Variants in ROBO2 observed in about 807,000 individuals in gnomAD.
ROBO2 encodes the protein roundabout homolog 2.
A neutral mutation model predicts 160.8 loss-of-function variants in ROBO2; 53 were observed. The observed-to-expected ratio is 0.33, with a 90% CI of 0.26 to 0.41. The LOEUF is 0.41. Ranked by LOEUF, ROBO2 falls within the 10% of genes least tolerant of loss-of-function variation. The probability of loss-of-function intolerance (pLI) is 1.00; values close to 1 mark genes in which losing one functional copy is unlikely to be tolerated. For synonymous variants in ROBO2, 664 were observed against 611.7 expected (o/e 1.09, Z -1.26); for missense variants, 1,577 against 1,722.4 (o/e 0.92, Z 1.49).
chr3:76,657,986 G>A (rs1317939140), intron 2 of ROBO2, among the ~76,000 whole-genome samples: 1 of 149,086 alleles, frequency 6.7e-6, no homozygotes, highest in Non-Finnish European at 1.5e-5. Context: ...AGGATCACTT[G>A]AGCCCAGGGC....
chr3:76,458,550 G>C (rs925384326), intron 2 of ROBO2, among the ~76,000 whole-genome samples: 6 of 152,098 alleles, frequency 3.9e-5, no homozygotes, highest in Non-Finnish European at 8.8e-5. Context: ...CTGTTACCCA[G>C]TTCCAAAGTT....
intron 2 of ROBO2, among the ~76,000 whole-genome samples, chr3:77,185,806 C>CATAT (rs35513605): frequency 0.32 from 47,964 of 150,862 alleles, 8,255 homozygotes; most frequent in Middle Eastern, 0.47. Context: ...GTGATACACA[C>CATAT]ATATATATAT....
At chr3:76,000,058 A>T (rs1216892713) in intron 2 of ROBO2, among the ~76,000 whole-genome samples, 3 of 152,234 alleles carry the variant, frequency 2.0e-5, no homozygotes, top group Admixed American at 6.5e-5. Flanking sequence ...ACAGAAAAAG[A>T]CATTTAATGA....
intron 2 of ROBO2, among the ~76,000 whole-genome samples, chr3:76,737,249 G>C (rs2093728451): frequency 6.6e-6 from 1 of 151,770 alleles, no homozygotes; most frequent in African/African-American, 2.4e-5. Flanking sequence ...TAGTAAGAAA[G>C]AGACTTCTGT....
intron 4 of ROBO2, 60 bp from the exon 5 acceptor site, chr3:77,493,184 T>A: frequency 6.4e-7 from 1 of 1,567,430 alleles, no homozygotes; most frequent in Non-Finnish European, 8.8e-7. Flanking sequence ...TTTCATAATG[T>A]ACTTAAAGCA....
At chr3:76,883,769 G>A (rs1334043203) in intron 2 of ROBO2, among the ~76,000 whole-genome samples, 1 of 152,104 alleles carries the variant, frequency 6.6e-6, no homozygotes, top group East Asian at 1.9e-4. Flanking sequence ...CTGGTAAAAC[G>A]ATTAACTGTG....
At chr3:77,415,282 A>G (rs1264750704) in intron 2 of ROBO2, among the ~76,000 whole-genome samples, 2 of 152,218 alleles carry the variant, frequency 1.3e-5, no homozygotes, top group Admixed American at 1.3e-4. Context: ...AAGCCTGGAC[A>G]GGTAGATTAG....
intron 2 of ROBO2, among the ~76,000 whole-genome samples, chr3:76,996,494 C>T (rs1289720268): frequency 2.0e-5 from 3 of 152,082 alleles, no homozygotes; most frequent in South Asian, 4.1e-4. Context: ...TGATGAAAGT[C>T]ATTGGTAGCT....
chr3:77,348,960 T>C (rs761330999), intron 2 of ROBO2, among the ~76,000 whole-genome samples: 23 of 152,286 alleles, frequency 1.5e-4, no homozygotes, highest in South Asian at 4.1e-4. Flanking sequence ...GAAAAGCTTC[T>C]TCTCGGAGAG....
intron 2 of ROBO2, among the ~76,000 whole-genome samples, chr3:76,038,933 C>T (rs1232782085): frequency 6.6e-6 from 1 of 151,808 alleles, no homozygotes; most frequent in Non-Finnish European, 1.5e-5. Context: ...CTGAATTGGT[C>T]AAGTCATGCA....
chr3:76,842,500 A>T (rs1187898152), intron 2 of ROBO2, among the ~76,000 whole-genome samples: 1 of 152,224 alleles, frequency 6.6e-6, no homozygotes, highest in East Asian at 1.9e-4. Flanking sequence ...TCTGCTGCTT[A>T]TAAACCCTAG....
chr3:77,314,081 A>G (rs1038517236), intron 2 of ROBO2, among the ~76,000 whole-genome samples: 32 of 152,118 alleles, frequency 2.1e-4, no homozygotes, highest in African/African-American at 7.5e-4. Flanking sequence ...AAGCTTTTGT[A>G]TCAACATAAA....
intron 2 of ROBO2, among the ~76,000 whole-genome samples, chr3:76,963,354 A>T (rs1173292386): frequency 2.6e-5 from 4 of 152,116 alleles, no homozygotes; most frequent in South Asian, 4.1e-4. Flanking sequence ...ATAATACAGA[A>T]ATAATTTTAA....
At chr3:76,034,715 C>A (rs1228785560) in intron 2 of ROBO2, among the ~76,000 whole-genome samples, 5 of 152,076 alleles carry the variant, frequency 3.3e-5, no homozygotes, top group African/African-American at 1.2e-4. Flanking sequence ...CATTATCTTG[C>A]TTTAAGCTCT....
At chr3:76,563,291 G>A (rs1365734758) in intron 2 of ROBO2, among the ~76,000 whole-genome samples, 3 of 152,032 alleles carry the variant, frequency 2.0e-5, no homozygotes, top group Non-Finnish European at 4.4e-5. Flanking sequence ...TGTTTTAATA[G>A]AGCCGATTAA....
At chr3:77,389,579 T>C (rs2074496141) in intron 2 of ROBO2, among the ~76,000 whole-genome samples, 2 of 152,224 alleles carry the variant, frequency 1.3e-5, no homozygotes, top group South Asian at 4.1e-4. Flanking sequence ...ACAGTATTTA[T>C]ATTTTATATT....
intron 2 of ROBO2, among the ~76,000 whole-genome samples, chr3:77,350,304 C>T (rs914792485): frequency 4.6e-5 from 7 of 151,760 alleles, no homozygotes; most frequent in Admixed American, 6.6e-5. Context: ...TGCAGTGAGC[C>T]GTGATAGTGT....
At chr3:77,160,386 T>G (rs1339770862) in intron 2 of ROBO2, among the ~76,000 whole-genome samples, 1 of 152,166 alleles carries the variant, frequency 6.6e-6, no homozygotes, top group Non-Finnish European at 1.5e-5. Flanking sequence ...TTACACATGG[T>G]GATGATGTAT....
intron 2 of ROBO2, among the ~76,000 whole-genome samples, chr3:76,844,468 G>A (rs2068593632): frequency 6.6e-6 from 1 of 151,910 alleles, no homozygotes; most frequent in African/African-American, 2.4e-5. Context: ...TCATGGAGCA[G>A]TAAGTGAAAA....
Sources: allele counts gnomAD v4.1 joint callset (sites outside exome capture counted in the v4.1 genomes callset), GRCh38; gene constraint gnomAD v4.1.1; transcripts MANE v1.5; gene names NCBI Gene and HGNC (gene_info 2026-07-23, HGNC 2026-07-21).